The following SOX13 variants were observed in gnomAD, a reference collection of about 807,000 sequenced individuals.
The protein encoded by SOX13 is SRY-box transcription factor 13.
A neutral mutation model predicts 71.8 loss-of-function variants in SOX13; 28 were observed. The ratio of observed to expected loss-of-function variants is 0.39; its 90% CI spans 0.29 to 0.53. SOX13 has a LOEUF of 0.53. Among genes scored for constraint, SOX13 ranks in the 20% least tolerant of loss-of-function variants. SOX13 has a pLI of 0.70. For missense variants in SOX13, 627 were observed against 810.3 expected, an observed-to-expected ratio of 0.77 and a Z score of 2.75; for synonymous variants, 309 against 317.8, an observed-to-expected ratio of 0.97 and a Z score of 0.29.
Position 204,123,527 on chromosome 1 carries a change from C to T in SOX13, c.1232-134C>T. Reference sequence around the variant, plus strand: ...CTGCCCCATCTGCTCCTGCCTTGCTCCTCCTCGGCTGGCTGCTGTGGGAGC... The same window carrying T: ...CTGCCCCATCTGCTCCTGCCTTGCTTCTCCTCGGCTGGCTGCTGTGGGAGC... On this transcript the variant is annotated intron_variant, in intron 11 of 13. Coordinates refer to ENST00000367204, the MANE Select transcript of SOX13 (RefSeq NM_005686.3). This position sits in a 1 kb window ranked among gnomAD's most constrained non-coding sequence, Gnocchi z 5.0. 1.1e-6 allele frequency: 1 copy of T among 930,946 alleles called. No homozygotes were observed. The highest frequency in any genetic ancestry group is 1.6e-6 in the Non-Finnish European group (1 of 630,704). 57.7% of individuals were successfully genotyped at this position (930,946 alleles called of 1,614,324 possible).
At chr1:204,095,250 C>T (rs1312372025) in intron 1 of SOX13, among the ~76,000 whole-genome samples, 3 of 152,162 alleles carry the variant, frequency 2.0e-5, no homozygotes, top group African/African-American at 4.8e-5. Flanking sequence ...CCAGGAAAGT[C>T]GAGGAACTGA....
At chr1:204,090,841 G>A (rs75306009) in intron 1 of SOX13, among the ~76,000 whole-genome samples, 2,820 of 152,284 alleles carry the variant, frequency 0.019, 71 homozygotes, top group African/African-American at 0.054. Flanking sequence ...CATCTGTAGG[G>A]CACCTTTGCA....
At chr1:204,077,158 A>T (rs927519535) in intron 1 of SOX13, among the ~76,000 whole-genome samples, 1 of 152,236 alleles carries the variant, frequency 6.6e-6, no homozygotes, top group Non-Finnish European at 1.5e-5. Flanking sequence ...AGGGGATTGC[A>T]GGTAGAGGGA....
At chr1:204,118,614 C>T (rs918130298) in intron 7 of SOX13, 2 of 152,234 alleles carry the variant, frequency 1.3e-5, no homozygotes, top group African/African-American at 4.8e-5. Context: ...CTCAGCCTCC[C>T]AAAATGCTGG....
Position 204,112,999 on chromosome 1 carries a change from G to A in SOX13, c.84G>A (p.Glu28=). 3.1e-6 allele frequency: 5 copies of A among 1,613,512 alleles called. No individual in the cohort carries two copies. Among genetic ancestry groups the A allele is most frequent in the Non-Finnish European group, 4.2e-6 (5 of 1,179,880 alleles). The change falls in exon 2 of 14, where the codon GAG becomes GAA. Residue 28 remains glutamate, a synonymous_variant. Transcript: ENST00000367204. Reference sequence around the variant, plus strand: ...TGAACTGCACCATCAAGTCAGAGGAGAAGAAAGAGCCTTGCCACGAGGCCC... The same window carrying A: ...TGAACTGCACCATCAAGTCAGAGGAAAAGAAAGAGCCTTGCCACGAGGCCC... ...TMVNCTIKSE[E]KKEPCHEAPQ...
rs1399134067 is a variant in SOX13, at chr1:204,117,110, T to C, written c.592-12T>C. 4 of 1,613,622 alleles carry C rather than the reference T, an allele frequency of 2.5e-6. No homozygotes were observed. The South Asian group carries it at 3.3e-5, about 13-fold the overall frequency. On this transcript the variant is annotated splice_polypyrimidine_tract_variant and intron_variant, in intron 5 of 13. Coordinates refer to ENST00000367204, the MANE Select transcript of SOX13 (RefSeq NM_005686.3). ...TCCGTGACCCCCTCTGCCTACTCTTTCCCTCTCCCAGATTGCAAAGCAGCA... is the reference window on the plus strand; with the variant it reads ...TCCGTGACCCCCTCTGCCTACTCTTCCCCTCTCCCAGATTGCAAAGCAGCA...
intron 1 of SOX13, among the ~76,000 whole-genome samples, chr1:204,109,636 T>C (rs1281704468): frequency 6.6e-6 from 1 of 152,106 alleles, no homozygotes; most frequent in Non-Finnish European, 1.5e-5. Context: ...TCTCAGAACA[T>C]GTTTATGCTA....
intron 13 of SOX13, 62 bp downstream of exon 13, chr1:204,124,919 G>T (rs1656890019): frequency 1.6e-6 from 2 of 1,269,454 alleles, no homozygotes; most frequent in Non-Finnish European, 1.1e-6. Flanking sequence ...TCTCATGAGT[G>T]GCTGGGTGTC....
At chr1:204,087,462 G>A (rs1250705045) in intron 1 of SOX13, among the ~76,000 whole-genome samples, 1 of 152,162 alleles carries the variant, frequency 6.6e-6, no homozygotes, top group East Asian at 1.9e-4. Context: ...AGGCCCCCCT[G>A]TCCCACCTTT....
chr1:204,116,739 G>C, intron 5 of SOX13, 60 bp downstream of exon 5: 1 of 1,594,476 alleles, frequency 6.3e-7, no homozygotes, highest in South Asian at 1.1e-5. Flanking sequence ...TCAGGACCTA[G>C]AGAAGGCTGC....
chr1:204,093,553 G>T (rs56005111), intron 1 of SOX13, among the ~76,000 whole-genome samples: 15,469 of 152,282 alleles, frequency 0.1, 865 homozygotes, highest in Non-Finnish European at 0.13. Flanking sequence ...TCTGACCATG[G>T]TGGCGGGTGG....
intron 13 of SOX13, 60 bp downstream of exon 13, chr1:204,124,917 G>A: frequency 1.6e-6 from 2 of 1,269,484 alleles, no homozygotes; most frequent in Non-Finnish European, 2.2e-6. Flanking sequence ...GCTCTCATGA[G>A]TGGCTGGGTG....
chr1:204,116,575 C>G lies in SOX13; in HGVS notation c.487C>G (p.Arg163Gly). Residue 163 changes from arginine to glycine, a missense_variant, in exon 5 of 14, where the codon CGG becomes GGG. This residue lies in a region of SOX13 where 447 missense variants were observed against 532.2 expected (regional missense o/e 0.84). Coordinates refer to ENST00000367204, the MANE Select transcript of SOX13 (RefSeq NM_005686.3). Reference sequence around the variant, plus strand: ...CATGATTCACCAGCTGTCCACCCTGCGGGACCAGCTCCTGACAGCCCACTC... The same window carrying G: ...CATGATTCACCAGCTGTCCACCCTGGGGGACCAGCTCCTGACAGCCCACTC... The part of the protein sequence containing the change: ...LVMIHQLSTL[R>G]DQLLTAHSEQ... The G allele has an allele frequency of 6.2e-7, 1 of 1,613,998 alleles. No individual in the cohort carries two copies. The highest frequency in any genetic ancestry group is 1.7e-5 in the Admixed American group (1 of 60,020).
intron 8 of SOX13, 93 bp downstream of exon 8, chr1:204,122,078 C>T: frequency 9.4e-7 from 1 of 1,059,680 alleles, no homozygotes; most frequent in Non-Finnish European, 1.4e-6. Flanking sequence ...GACTGGTGAG[C>T]CCTGGCATCC....
intron 1 of SOX13, among the ~76,000 whole-genome samples, chr1:204,103,874 T>G (rs1459039770): frequency 2.0e-5 from 3 of 152,178 alleles, no homozygotes; most frequent in Admixed American, 6.5e-5. Flanking sequence ...GTTGACCTCT[T>G]CTCGGTTTGG....
At position 204,114,617 on chromosome 1, in the gene SOX13, T is replaced by C; in HGVS notation, c.418+12T>C. 6.3e-7 allele frequency: 1 copy of C among 1,599,634 alleles called. No homozygotes were observed. Among genetic ancestry groups the C allele is most frequent in the Non-Finnish European group, 8.6e-7 (1 of 1,166,844 alleles). ...CAAAGATGTCAAAGGTGAAGGCCTG[T>C]TGGGGGTGGGGGAGATGTTTGAACC... On this transcript the variant is annotated intron_variant, in intron 4 of 13. Transcript: ENST00000367204.
At position 204,123,662 on chromosome 1, in the gene SOX13, C is replaced by T; in HGVS notation, c.1233C>T (p.Gly411=). 1 of 1,612,988 alleles carries T rather than the reference C, an allele frequency of 6.2e-7. No individual in the cohort carries two copies. Among genetic ancestry groups the T allele is most frequent in the East Asian group, 2.2e-5 (1 of 44,846 alleles). The stretch of plus-strand genomic sequence containing the variant: ...GCTGACTTCACTCCTGTCTCCCAGG[C>T]TCCCGCCACTTCCCCGAGTCCCGAA... ...EEAMLSCDMD[G]SRHFPESRNS... The change falls in exon 12 of 14, where the codon GGC becomes GGT. Residue 411 remains glycine (G), a splice_region_variant and synonymous_variant. Coordinates refer to ENST00000367204, the MANE Select transcript of SOX13 (RefSeq NM_005686.3). The surrounding 1 kb of genome is among the most constrained non-coding windows in gnomAD (Gnocchi z 5.0).
At position 204,121,975 on chromosome 1, in the gene SOX13, A is replaced by C. The variant is rs1571594618; in HGVS notation, c.851A>C (p.His284Pro). The change falls in exon 8 of 14, where the codon CAC becomes CCC. Residue 284 changes from histidine (H) to proline (P), a missense_variant. Around this residue, in one of 3 missense-constraint regions of SOX13, gnomAD observed 447 missense variants for 532.2 expected, o/e 0.84. Coordinates refer to ENST00000367204, the MANE Select transcript of SOX13 (RefSeq NM_005686.3). ...VKRPGAMATH[H>P]PLQEPSQPLN... is the part of the protein sequence containing the mutation. ...AGGCCTGGGGCCATGGCCACCCACC[A>C]CCCCCTGCAGGTACCGCCCTCTACC... is the stretch of plus-strand genomic sequence containing the variant. The C allele has an allele frequency of 6.2e-7, 1 of 1,603,892 alleles. No homozygotes were observed. Among genetic ancestry groups the C allele is most frequent in the South Asian group, 1.1e-5 (1 of 90,588 alleles).
chr1:204,090,408 C>CTTTT (rs67694415), intron 1 of SOX13, among the ~76,000 whole-genome samples: 4 of 118,562 alleles, frequency 3.4e-5, no homozygotes, highest in Non-Finnish European at 3.6e-5. Flanking sequence ...TCTTCTTCTT[C>CTTTT]TTTTTTTTTT....
Sources: allele counts gnomAD v4.1 joint callset (sites outside exome capture counted in the v4.1 genomes callset), GRCh38; gene constraint gnomAD v4.1.1; regional missense constraint gnomAD v4.1.1; non-coding constraint Gnocchi (gnomAD v3.1); transcripts MANE v1.5; gene names NCBI Gene and HGNC (gene_info 2026-07-23, HGNC 2026-07-21).